The following SHISA9 variants were observed in gnomAD, a reference collection of about 807,000 sequenced individuals.
The protein encoded by SHISA9 is protein shisa-9.
Under a neutral mutation model 38.0 loss-of-function variants are expected in SHISA9, and 13 were observed. That is an observed-to-expected ratio of 0.34 (90% CI 0.22 to 0.54). The LOEUF (loss-of-function observed/expected upper bound fraction) is 0.54. SHISA9 is among the 20% of genes least tolerant of loss of function. The pLI is 0.91. For missense variants in SHISA9, 538 were observed against 575.8 expected (o/e 0.93, Z 0.67); for synonymous variants, 275 against 242.0 (o/e 1.14, Z -1.27).
chr16:13,495,371 G>A, the SHISA9 span, among the ~76,000 whole-genome samples: 3 of 152,008 alleles, frequency 2.0e-5, no homozygotes, highest in East Asian at 1.9e-4. Context: ...ACTCTATGTC[G>A]TATTTTCGCA....
the SHISA9 span, among the ~76,000 whole-genome samples, chr16:13,256,700 G>C: frequency 6.6e-6 from 1 of 152,210 alleles, no homozygotes; most frequent in South Asian, 2.1e-4. Context: ...TCAGGCAATT[G>C]ATAACTCACA....
At chr16:13,455,692 G>T in the SHISA9 span, among the ~76,000 whole-genome samples, 1 of 152,182 alleles carries the variant, frequency 6.6e-6, no homozygotes, top group African/African-American at 2.4e-5. Flanking sequence ...TCGGTGTGGA[G>T]TTTTGCAGTT....
intron 2 of SHISA9, among the ~76,000 whole-genome samples, chr16:13,015,886 CTTTCTTTCTT>C (rs1176068203): frequency 0.011 from 1,240 of 113,432 alleles, 8 homozygotes; most frequent in Non-Finnish European, 0.016. Flanking sequence ...TTCTTTCTTT[CTTTCTTTCTT>C]TCTTTCTTTC....
At chr16:13,472,376 A>AT in the SHISA9 span, among the ~76,000 whole-genome samples, 226 of 113,450 alleles carry the variant, frequency 2.0e-3, 6 homozygotes, top group African/African-American at 6.9e-3. Context: ...CGCTCTGCTA[A>AT]ATTTTTTTTT....
At chr16:13,542,119 C>G in the SHISA9 span, among the ~76,000 whole-genome samples, 4 of 152,086 alleles carry the variant, frequency 2.6e-5, no homozygotes, top group Non-Finnish European at 5.9e-5. Flanking sequence ...TGCCATAAGC[C>G]AAGGGACACC....
At chr16:13,397,365 G>T in the SHISA9 span, among the ~76,000 whole-genome samples, 1 of 152,184 alleles carries the variant, frequency 6.6e-6, no homozygotes, top group Non-Finnish European at 1.5e-5. Context: ...GTCTAGGTGT[G>T]AATGTTTACA....
At chr16:13,017,193 T>A (rs1393375816) in intron 2 of SHISA9, among the ~76,000 whole-genome samples, 2 of 152,044 alleles carry the variant, frequency 1.3e-5, no homozygotes, top group Non-Finnish European at 2.9e-5. Context: ...CTAATTTTTG[T>A]ATTTTCAGTA....
At chr16:13,036,840 G>T (rs2073072400) in intron 2 of SHISA9, among the ~76,000 whole-genome samples, 1 of 151,762 alleles carries the variant, frequency 6.6e-6, no homozygotes, top group East Asian at 1.9e-4. Flanking sequence ...CACAAATCTG[G>T]CAACAGTAAG....
At chr16:13,419,063 G>T in the SHISA9 span, among the ~76,000 whole-genome samples, 1 of 152,184 alleles carries the variant, frequency 6.6e-6, no homozygotes, top group Non-Finnish European at 1.5e-5. Context: ...ATAAACCCAC[G>T]TGTATGAACT....
At chr16:12,951,474 T>C (rs900636189) in intron 2 of SHISA9, among the ~76,000 whole-genome samples, 10 of 152,108 alleles carry the variant, frequency 6.6e-5, no homozygotes, top group Admixed American at 6.6e-4. Flanking sequence ...ATAAAATATA[T>C]ACAAATAGGC....
chr16:13,019,818 TTC>T lies in SHISA9; in HGVS notation c.691+103005_691+103006del, dbSNP rs1491171598. On this transcript the variant is annotated intron_variant, in intron 2 of 4. Coordinates refer to ENST00000558583, the MANE Select transcript of SHISA9 (RefSeq NM_001145204.3). ...TTTCTTTCTTTCTTTCTTTCTTTCT[TTC>T]TTTCTTTCTTTCTTTTTCCTTCCTT... 1.3e-3 allele frequency among the ~76,000 whole-genome samples: 185 copies of T among 141,110 alleles called. 1 individual carries two copies. The highest frequency in any genetic ancestry group is 4.1e-3 in the East Asian group (19 of 4,626). 92.6% of individuals were successfully genotyped at this position (141,110 alleles called of 152,430 possible).
intron 3 of SHISA9, among the ~76,000 whole-genome samples, chr16:13,208,568 A>G (rs1434618145): frequency 6.6e-6 from 1 of 151,134 alleles, no homozygotes; most frequent in African/African-American, 2.4e-5. Flanking sequence ...AGAGAATTGG[A>G]CATGCACCAC....
chr16:13,513,028 G>A, the SHISA9 span, among the ~76,000 whole-genome samples: 2 of 152,098 alleles, frequency 1.3e-5, no homozygotes, highest in South Asian at 2.1e-4. Flanking sequence ...TTAAACTAAA[G>A]AGCTGCTGCA....
At chr16:13,250,530 G>C in the SHISA9 span, among the ~76,000 whole-genome samples, 1 of 152,102 alleles carries the variant, frequency 6.6e-6, no homozygotes, top group Admixed American at 6.5e-5. Flanking sequence ...ATATGATATA[G>C]AGGTTGCATT....
At chr16:13,039,117 C>T (rs1461920738) in intron 2 of SHISA9, among the ~76,000 whole-genome samples, 2 of 152,150 alleles carry the variant, frequency 1.3e-5, no homozygotes. Context: ...CCATGTTGGC[C>T]AGGCTGGTCT....
intron 2 of SHISA9, among the ~76,000 whole-genome samples, chr16:12,988,973 C>T (rs551951258): frequency 7.2e-4 from 109 of 152,124 alleles, no homozygotes; most frequent in Non-Finnish European, 1.3e-3. Flanking sequence ...TACTGTTTAC[C>T]ACTCTTTGCA....
the SHISA9 span, among the ~76,000 whole-genome samples, chr16:13,384,228 C>T: frequency 6.6e-6 from 1 of 152,252 alleles, no homozygotes; most frequent in Admixed American, 6.5e-5. Context: ...GGATTAGAGG[C>T]CACCCAGGAC....
At chr16:13,233,139 T>A (rs1032409440) in intron 4 of SHISA9, among the ~76,000 whole-genome samples, 2 of 152,154 alleles carry the variant, frequency 1.3e-5, no homozygotes, top group African/African-American at 2.4e-5. Flanking sequence ...TATATAGCGT[T>A]AAATAAAACC....
Position 13,043,928 on chromosome 16 carries a change from C to T in SHISA9, c.691+127113C>T, listed in dbSNP as rs571794056. Among the ~76,000 whole-genome samples, 19 of 152,258 alleles carry T rather than the reference C, an allele frequency of 1.2e-4. No individual in the cohort carries two copies. The South Asian group carries it at 2.7e-3, about 22-fold the overall frequency. Reference sequence around the variant, plus strand: ...TCACTTTATTATGCTTCTCCTTGTCCTTACTTGATTATCTATATTGCTTCA... The same window carrying T: ...TCACTTTATTATGCTTCTCCTTGTCTTTACTTGATTATCTATATTGCTTCA... On this transcript the variant is annotated intron_variant, in intron 2 of 4. Coordinates refer to ENST00000558583, the MANE Select transcript of SHISA9 (RefSeq NM_001145204.3).
Sources: gnomAD v4.1 joint callset for allele counts (sites outside exome capture counted in the v4.1 genomes callset) on GRCh38, gnomAD v4.1.1 for gene constraint, MANE v1.5 for transcripts, NCBI Gene and HGNC (gene_info 2026-07-23, HGNC 2026-07-21) for gene names.